SPHKAP: variants seen among roughly 807,000 people sequenced by gnomAD.
SPHKAP encodes the protein A-kinase anchor protein SPHKAP.
In SPHKAP, 67 loss-of-function variants were observed where a neutral mutation model predicts 137.5. The ratio of observed to expected loss-of-function variants is 0.49; its 90% CI spans 0.40 to 0.60. SPHKAP has a LOEUF of 0.60. SPHKAP is among the 20% of genes least tolerant of loss of function. The probability of loss-of-function intolerance (pLI) is 0.00; values close to 1 mark genes in which losing one functional copy is unlikely to be tolerated. For synonymous variants in SPHKAP, 813 were observed against 785.3 expected, an observed-to-expected ratio of 1.04 and a Z score of -0.59; for missense variants, 2,097 against 2,069.3, an observed-to-expected ratio of 1.01 and a Z score of -0.26.
chr2:228,103,091 C>T (rs967798081), intron 3 of SPHKAP, among the ~76,000 whole-genome samples: 4 of 152,124 alleles, frequency 2.6e-5, no homozygotes, highest in African/African-American at 9.7e-5. Context: ...CTGTTTCTTC[C>T]ACACAACCTT....
At chr2:228,092,192 T>C (rs533732754) in intron 3 of SPHKAP, among the ~76,000 whole-genome samples, 52 of 134,512 alleles carry the variant, frequency 3.9e-4, no homozygotes, top group African/African-American at 1.3e-3. Flanking sequence ...TGTACATGCA[T>C]ACACATGCAT....
chr2:228,026,818 C>G (rs1397672928), intron 4 of SPHKAP, among the ~76,000 whole-genome samples: 1 of 152,110 alleles, frequency 6.6e-6, no homozygotes, highest in African/African-American at 2.4e-5. Context: ...TGTCAGTAAC[C>G]GAGTAATTGC....
rs1019071165 is a variant in SPHKAP, at chr2:227,981,432, T to G, written c.*285A>C. On this transcript the variant is annotated 3_prime_UTR_variant, in exon 12 of 12. Transcript: ENST00000392056. ...GTGTTGTTTTCCTGGAGATTGGGTC[T>G]CATTATAAGCATTCTAATTTGGGCC... The G allele has an allele frequency of 4.1e-5, 10 of 245,152 alleles. No individual in the cohort carries two copies. Among genetic ancestry groups the G allele is most frequent in the Non-Finnish European group, 7.7e-5 (10 of 129,760 alleles). 15.2% of individuals were successfully genotyped at this position (245,152 alleles called of 1,614,324 possible).
intron 1 of SPHKAP, among the ~76,000 whole-genome samples, chr2:228,164,570 T>G (rs1407329426): frequency 6.6e-6 from 1 of 152,240 alleles, no homozygotes; most frequent in Non-Finnish European, 1.5e-5. Flanking sequence ...CTACAACCTT[T>G]ATATGAATTA....
chr2:228,066,161 T>C (rs1001862726), intron 3 of SPHKAP, among the ~76,000 whole-genome samples: 2 of 152,204 alleles, frequency 1.3e-5, no homozygotes, highest in Non-Finnish European at 2.9e-5. Flanking sequence ...GAGGTTCAGC[T>C]ATTTTTCTCT....
intron 3 of SPHKAP, among the ~76,000 whole-genome samples, chr2:228,074,808 T>C (rs1697122504): frequency 6.6e-6 from 1 of 152,174 alleles, no homozygotes; most frequent in Non-Finnish European, 1.5e-5. Flanking sequence ...ATAATTTTCT[T>C]CCTTCCTCCC....
intron 3 of SPHKAP, among the ~76,000 whole-genome samples, chr2:228,077,592 G>A (rs573559261): frequency 6.6e-6 from 1 of 152,348 alleles, no homozygotes; most frequent in South Asian, 2.1e-4. Context: ...GTTTGGAATG[G>A]CAGTATTTAC....
At position 228,017,121 on chromosome 2, in the gene SPHKAP, G is replaced by A. The variant is rs374985321; in HGVS notation, c.3733C>T (p.Pro1245Ser). Reference protein sequence around the residue: ...RQSSMPDSRSPCSRLTVNVPI... With the variant: ...RQSSMPDSRSSCSRLTVNVPI... ...ACATTCACTGTCAGCCTGGAGCATG[G>A]GGATCTGCTGTCTGGCATGGACGAC... Residue 1245 changes from proline to serine, a missense_variant, in exon 7 of 12, where the codon CCA becomes TCA. Transcript: ENST00000392056. 26 of 1,614,070 alleles carry A rather than the reference G, an allele frequency of 1.6e-5. No homozygotes were observed. The highest frequency in any genetic ancestry group is 3.3e-5 in the Admixed American group (2 of 60,018).
At position 228,101,182 on chromosome 2, in the gene SPHKAP, T is replaced by C. The variant is rs1698172534; in HGVS notation, c.246+7650A>G. 3.9e-5 allele frequency among the ~76,000 whole-genome samples: 6 copies of C among 152,298 alleles called. No individual in the cohort carries two copies. The South Asian group carries it at 1.2e-3, about 32-fold the overall frequency. ...GGCATCCAGCATCATCCCCACTTCC[T>C]AGCTCCAGCCCATTCTTCCCCTCCT... is the stretch of plus-strand genomic sequence containing the variant. On this transcript the variant is annotated intron_variant, in intron 3 of 11. Coordinates refer to ENST00000392056, the MANE Select transcript of SPHKAP (RefSeq NM_001142644.2).
chr2:228,097,435 C>G (rs1178781152), intron 3 of SPHKAP, among the ~76,000 whole-genome samples: 3 of 152,182 alleles, frequency 2.0e-5, no homozygotes, highest in Non-Finnish European at 2.9e-5. Flanking sequence ...ATTTTGGGGA[C>G]CCTGGGACAT....
At chr2:227,991,658 G>T (rs149560536) in intron 9 of SPHKAP, 3 of 985,392 alleles carry the variant, frequency 3.0e-6, no homozygotes, top group Non-Finnish European at 3.6e-6. Flanking sequence ...ATGAAAGAGA[G>T]ATTTTGTGGG....
At chr2:228,165,507 C>A (rs1310809379) in intron 1 of SPHKAP, among the ~76,000 whole-genome samples, 1 of 152,088 alleles carries the variant, frequency 6.6e-6, no homozygotes, top group Non-Finnish European at 1.5e-5. Flanking sequence ...ACATAAAGAC[C>A]TCTGTAATAT....
chr2:228,130,791 C>T (rs1468908005), intron 2 of SPHKAP, among the ~76,000 whole-genome samples: 3 of 151,878 alleles, frequency 2.0e-5, no homozygotes, highest in Admixed American at 2.0e-4. Flanking sequence ...AATTATAGCG[C>T]CTTAGTTCCC....
chr2:228,176,241 A>C (rs1700736969), intron 1 of SPHKAP, among the ~76,000 whole-genome samples: 2 of 152,206 alleles, frequency 1.3e-5, no homozygotes, highest in Admixed American at 6.5e-5. Flanking sequence ...CATTAAAAAC[A>C]ATAAAGCCCA....
rs766815243 is a variant in SPHKAP, at chr2:228,017,163, G to A, written c.3691C>T (p.Pro1231Ser). ...AGLLSPSLRS[P>S]VCHRQSSMPD... is the part of the protein sequence containing the mutation. Reference sequence around the variant, plus strand: ...ATGGACGACTGTCTGTGGCACACTGGGGATCGCAGAGAAGGAGACAGCAGG... The same window carrying A: ...ATGGACGACTGTCTGTGGCACACTGAGGATCGCAGAGAAGGAGACAGCAGG... Residue 1231 changes from proline to serine, a missense_variant, in exon 7 of 12, where the codon CCA becomes TCA. Pro to Ser is a moderately conservative substitution (Grantham distance 74). Transcript: ENST00000392056. The A allele has an allele frequency of 1.2e-6, 2 of 1,613,980 alleles. No homozygotes were observed. The highest frequency in any genetic ancestry group is 1.7e-5 in the Admixed American group (1 of 60,020).
chr2:228,178,716 C>T (rs555312673), intron 1 of SPHKAP, among the ~76,000 whole-genome samples: 66 of 151,856 alleles, frequency 4.3e-4, no homozygotes, highest in Admixed American at 7.2e-4. Context: ...AGGTCTATAA[C>T]GCAACTAACA....
At chr2:228,118,382 G>T (rs1698788895) in intron 2 of SPHKAP, among the ~76,000 whole-genome samples, 2 of 151,204 alleles carry the variant, frequency 1.3e-5, no homozygotes, top group Non-Finnish European at 2.9e-5. Flanking sequence ...GCTTTTCTTG[G>T]GTAAGTACCC....
intron 1 of SPHKAP, among the ~76,000 whole-genome samples, chr2:228,156,556 A>T (rs964483161): frequency 2.0e-5 from 3 of 152,202 alleles, no homozygotes; most frequent in Non-Finnish European, 4.4e-5. Flanking sequence ...TTTCTAAGCA[A>T]TTGTAAAACC....
chr2:228,057,485 A>G (rs1696485492), intron 3 of SPHKAP, among the ~76,000 whole-genome samples: 1 of 152,272 alleles, frequency 6.6e-6, no homozygotes, highest in African/African-American at 2.4e-5. Flanking sequence ...CAACTACAAG[A>G]GAGAGTCTTC....
Sources: gnomAD v4.1 joint callset for allele counts (sites outside exome capture counted in the v4.1 genomes callset) on GRCh38, gnomAD v4.1.1 for gene constraint, MANE v1.5 for transcripts, NCBI Gene and HGNC (gene_info 2026-07-23, HGNC 2026-07-21) for gene names.